SEMA6D: variants seen among roughly 807,000 people sequenced by gnomAD.
The protein encoded by SEMA6D is semaphorin-6D.
SEMA6D carries 35 observed loss-of-function variants against 106.6 expected under a neutral mutation model. The observed-to-expected ratio is 0.33, with a 90% confidence interval of 0.25 to 0.44. The LOEUF is 0.44. SEMA6D is among the 20% of genes least tolerant of loss of function. The pLI is 1.00. For synonymous variants in SEMA6D, 499 were observed against 487.7 expected (o/e 1.02, Z -0.31); for missense variants, 1,185 against 1,345.9 (o/e 0.88, Z 1.87).
chr15:47,301,415 T>A (rs62000200), intron 1 of SEMA6D, among the ~76,000 whole-genome samples: 2 of 6,168 alleles, frequency 3.2e-4, no homozygotes, highest in African/African-American at 3.6e-4. Flanking sequence ...CATCTGGGGC[T>A]TAACACCAGG....
chr15:47,529,642 C>A (rs147169522), intron 3 of SEMA6D, among the ~76,000 whole-genome samples: 1 of 147,372 alleles, frequency 6.8e-6, no homozygotes, highest in Non-Finnish European at 1.5e-5. Flanking sequence ...CACTTTGAGG[C>A]ACACTTTTTT....
intron 1 of SEMA6D, among the ~76,000 whole-genome samples, chr15:47,726,066 G>A (rs977664185): frequency 2.0e-5 from 3 of 152,222 alleles, no homozygotes; most frequent in Admixed American, 6.5e-5. Flanking sequence ...TTTAGTAATC[G>A]GTCTGGCTCC....
intron 3 of SEMA6D, among the ~76,000 whole-genome samples, chr15:47,510,547 G>T (rs2044194001): frequency 6.6e-6 from 1 of 152,210 alleles, no homozygotes; most frequent in African/African-American, 2.4e-5. Context: ...AGATAAAGGA[G>T]AAATGTATCA....
intron 1 of SEMA6D, among the ~76,000 whole-genome samples, chr15:47,253,933 C>T (rs2033655226): frequency 6.6e-6 from 1 of 152,128 alleles, no homozygotes; most frequent in Non-Finnish European, 1.5e-5. Context: ...ATCTGTACAT[C>T]ACTTTGGGTA....
In SEMA6D at chr15:47,639,037, T is replaced by C. The variant is rs1320711273; in HGVS notation, c.-55+38141T>C. ...GTCTGTCTCCTGGAGCCTAGGCCAC[T>C]AGCAGGGAGGACACAGACTCTGCTC... On this transcript the variant is annotated intron_variant, in intron 4 of 19. Coordinates refer to the SEMA6D transcript ENST00000558014. 2.6e-5 allele frequency among the ~76,000 whole-genome samples: 4 copies of C among 152,198 alleles called. 1 individual carries two copies. Among genetic ancestry groups the C allele is most frequent in the Non-Finnish European group, 4.4e-5 (3 of 68,032 alleles).
chr15:47,612,088 T>C (rs146074433), intron 4 of SEMA6D, among the ~76,000 whole-genome samples: 346 of 152,274 alleles, frequency 2.3e-3, no homozygotes, highest in African/African-American at 8.2e-3. Flanking sequence ...GGTTAGGAGT[T>C]GAAGCTGATT....
At chr15:47,316,721 T>C (rs1296122328) in intron 1 of SEMA6D, among the ~76,000 whole-genome samples, 1 of 152,030 alleles carries the variant, frequency 6.6e-6, no homozygotes. Context: ...GTCACATTGA[T>C]TGATTTTCAG....
intron 3 of SEMA6D, among the ~76,000 whole-genome samples, chr15:47,489,440 T>C (rs1263843453): frequency 2.6e-5 from 4 of 152,210 alleles, no homozygotes; most frequent in African/African-American, 7.2e-5. Flanking sequence ...ATTTGACGAA[T>C]GTCTATGGAA....
intron 1 of SEMA6D, among the ~76,000 whole-genome samples, chr15:47,740,685 G>A (rs1308701434): frequency 6.6e-6 from 1 of 152,152 alleles, no homozygotes; most frequent in African/African-American, 2.4e-5. Flanking sequence ...GGAGCCAAAG[G>A]AGCGAGCCGT....
At chr15:47,399,316 A>C (rs1382935719) in intron 1 of SEMA6D, 2 of 152,120 alleles carry the variant, frequency 1.3e-5, no homozygotes, top group East Asian at 1.9e-4. Context: ...AGCTCCCAAC[A>C]ATCTGCTTGT....
intron 1 of SEMA6D, among the ~76,000 whole-genome samples, chr15:47,401,751 T>C (rs928937755): frequency 6.6e-6 from 1 of 152,208 alleles, no homozygotes; most frequent in Non-Finnish European, 1.5e-5. Context: ...GGAAAGTCGC[T>C]ACACGTCCTA....
intron 2 of SEMA6D, among the ~76,000 whole-genome samples, chr15:47,439,073 C>A (rs1048838420): frequency 6.6e-6 from 1 of 152,020 alleles, no homozygotes; most frequent in African/African-American, 2.4e-5. Context: ...CATCTGGGAA[C>A]CATAGCTTTT....
chr15:47,462,672 GTTA>G (rs1387842375), intron 2 of SEMA6D, among the ~76,000 whole-genome samples: 6 of 152,054 alleles, frequency 3.9e-5, no homozygotes, highest in Non-Finnish European at 8.8e-5. Flanking sequence ...GTGGTTTGTT[GTTA>G]TTGTTTTTTT....
At chr15:47,231,102 C>T (rs1377727782) in intron 1 of SEMA6D, among the ~76,000 whole-genome samples, 1 of 151,932 alleles carries the variant, frequency 6.6e-6, no homozygotes, top group Non-Finnish European at 1.5e-5. Context: ...CCTCTTCCTC[C>T]TCCTCTTTGC....
At chr15:47,189,465 A>C (rs1893808103) in intron 1 of SEMA6D, among the ~76,000 whole-genome samples, 1 of 152,206 alleles carries the variant, frequency 6.6e-6, no homozygotes, top group East Asian at 1.9e-4. Context: ...AGAAAAACTC[A>C]GGGAGAAACA....
rs2045084832 is a variant in SEMA6D at position 47,534,414 on chromosome 15, C to T, written c.-87+63869C>T. On this transcript the variant is annotated intron_variant, in intron 3 of 19. Coordinates refer to the SEMA6D transcript ENST00000558014. ...GCCAGGCTGGTCTCCAACTCCTGGC[C>T]TCAAGTGATCCACCCACCGCAGCCT... Among the ~76,000 whole-genome samples the T allele has an allele frequency of 2.0e-5, 3 of 151,974 alleles. No individual in the cohort carries two copies. In the South Asian group the frequency reaches 6.2e-4, roughly 32 times the overall value.
intron 1 of SEMA6D, among the ~76,000 whole-genome samples, chr15:47,373,863 C>G (rs2039359301): frequency 6.6e-6 from 1 of 152,178 alleles, no homozygotes; most frequent in Middle Eastern, 3.2e-3. Context: ...AATGGAAAAG[C>G]TAACCTTTTC....
intron 4 of SEMA6D, among the ~76,000 whole-genome samples, chr15:47,617,112 A>G (rs988782807): frequency 6.6e-6 from 1 of 152,138 alleles, no homozygotes; most frequent in Non-Finnish European, 1.5e-5. Flanking sequence ...TCATCACTCC[A>G]CCTTGATCTC....
At chr15:47,219,787 G>A (rs1305512018) in intron 1 of SEMA6D, among the ~76,000 whole-genome samples, 1 of 152,176 alleles carries the variant, frequency 6.6e-6, no homozygotes, top group Non-Finnish European at 1.5e-5. Flanking sequence ...ATGTGAATCA[G>A]CAATATAAGC....
Sources: allele counts gnomAD v4.1 joint callset (sites outside exome capture counted in the v4.1 genomes callset), GRCh38; gene constraint gnomAD v4.1.1; transcripts MANE v1.5; gene names NCBI Gene and HGNC (gene_info 2026-07-23, HGNC 2026-07-21).